The following CFAP54 variants were observed in gnomAD, a reference collection of about 807,000 sequenced individuals.
CFAP54 encodes cilia and flagella associated protein 54.
In CFAP54, 290 loss-of-function variants were observed where a neutral mutation model predicts 370.4. That is an observed-to-expected ratio of 0.78 (90% CI 0.71 to 0.86). The LOEUF (loss-of-function observed/expected upper bound fraction) is 0.86, where lower values mean the gene tolerates loss of function less well. Ranked by LOEUF, CFAP54 falls within the 40% of genes least tolerant of loss-of-function variation. The pLI is 0.00. For synonymous variants in CFAP54, 1,206 were observed against 1,236.5 expected (o/e 0.98, Z 0.52); for missense variants, 3,399 against 3,528.7 (o/e 0.96, Z 0.93).
chr12:96,576,577 C>A lies in CFAP54; in HGVS notation c.2620-8C>A. 6.7e-7 allele frequency: 1 copy of A among 1,497,982 alleles called. No individual in the cohort carries two copies. The highest frequency in any genetic ancestry group is 2.1e-5 in the Admixed American group (1 of 46,762). 92.8% of individuals were successfully genotyped at this position (1,497,982 alleles called of 1,614,324 possible). On this transcript the variant is annotated splice_region_variant and splice_polypyrimidine_tract_variant and intron_variant, in intron 19 of 67. Coordinates refer to ENST00000524981, the MANE Select transcript of CFAP54 (RefSeq NM_001306084.2). ...CATATATTTTTCTATTTTCATATTTCATTATAGGAAGCATATTCCTTAATT... is the reference window on the plus strand; with the variant it reads ...CATATATTTTTCTATTTTCATATTTAATTATAGGAAGCATATTCCTTAATT...
intron 32 of CFAP54, among the ~76,000 whole-genome samples, chr12:96,631,915 G>A (rs1341611676): frequency 6.6e-6 from 1 of 151,334 alleles, no homozygotes; most frequent in African/African-American, 2.4e-5. Context: ...TTCAAGATAC[G>A]AACATTTTAG....
At chr12:96,705,418 ATTG>A (rs1006332456) in intron 47 of CFAP54, among the ~76,000 whole-genome samples, 1 of 151,274 alleles carries the variant, frequency 6.6e-6, no homozygotes, top group Non-Finnish European at 1.5e-5. Context: ...CAGATGATTC[ATTG>A]TTTTTTTTTT....
chr12:96,674,027 G>C (rs904286748), intron 39 of CFAP54, among the ~76,000 whole-genome samples: 6 of 152,206 alleles, frequency 3.9e-5, no homozygotes, highest in Admixed American at 3.3e-4. Context: ...ATAACTCCAT[G>C]GATATGCCTT....
At chr12:96,789,783 A>G (rs1405645190) in intron 62 of CFAP54, among the ~76,000 whole-genome samples, 1 of 152,190 alleles carries the variant, frequency 6.6e-6, no homozygotes, top group East Asian at 1.9e-4. Context: ...AACACTCCCC[A>G]GGAAAATCAG....
chr12:96,501,048 G>A, intron 2 of CFAP54, 109 bp downstream of exon 2: 1 of 604,578 alleles, frequency 1.7e-6, no homozygotes. Context: ...TTTTCTCTTA[G>A]AAAAAAATAA....
At chr12:96,561,656 T>C (rs1012737461) in intron 17 of CFAP54, among the ~76,000 whole-genome samples, 1 of 151,030 alleles carries the variant, frequency 6.6e-6, no homozygotes, top group African/African-American at 2.4e-5. Context: ...AGAGTGCTCA[T>C]TGCTATTGAG....
chr12:96,826,559 T>C (rs1157862055), intron 65 of CFAP54, among the ~76,000 whole-genome samples: 2 of 83,638 alleles, frequency 2.4e-5, no homozygotes, highest in Non-Finnish European at 4.3e-5. Flanking sequence ...ATATATAATA[T>C]ATAATATATA....
chr12:96,520,111 T>C (rs1467583888), intron 6 of CFAP54, among the ~76,000 whole-genome samples: 2 of 152,238 alleles, frequency 1.3e-5, no homozygotes, highest in African/African-American at 4.8e-5. Flanking sequence ...CACTGCAGTC[T>C]TAGTCTCTGG....
intron 14 of CFAP54, among the ~76,000 whole-genome samples, chr12:96,543,463 A>G (rs1955600448): frequency 3.3e-5 from 5 of 152,162 alleles, no homozygotes; most frequent in Admixed American, 3.3e-4. Context: ...AAGGGCTGCT[A>G]GGAGACTGGG....
chr12:96,704,452 GTATATATATATATATATATATA>G (rs71068825), intron 46 of CFAP54, among the ~76,000 whole-genome samples: 3,733 of 61,344 alleles, frequency 0.061, 438 homozygotes, highest in East Asian at 0.45. Flanking sequence ...ATGTATGTGT[GTATATATATATATATATATATA>G]TATATATATA....
intron 25 of CFAP54, among the ~76,000 whole-genome samples, chr12:96,596,425 A>G (rs1028581227): frequency 2.0e-5 from 3 of 152,104 alleles, no homozygotes; most frequent in African/African-American, 4.8e-5. Flanking sequence ...GCCTCAATAT[A>G]TATGAGAATG....
intron 42 of CFAP54, 98 bp from the exon 43 acceptor site, chr12:96,688,818 A>G (rs1422298435): frequency 3.2e-5 from 19 of 593,704 alleles, no homozygotes; most frequent in Non-Finnish European, 1.7e-5. Flanking sequence ...CATTTTTCTT[A>G]TACTTTTTGT....
Position 96,741,412 on chromosome 12 carries a change from C to T in CFAP54, c.7072-1027C>T, listed in dbSNP as rs565153540. 9.2e-5 allele frequency among the ~76,000 whole-genome samples: 14 copies of T among 152,304 alleles called. No homozygotes were observed. The East Asian group carries it at 2.7e-3, about 29-fold the overall frequency. On this transcript the variant is annotated intron_variant, in intron 51 of 67. Transcript: ENST00000524981. ...TCCTGACCTCAGGTTATTCACCTGCCTTGGCCTCCCAAAGTGCTGAGATTA... is the reference window on the plus strand; with the variant it reads ...TCCTGACCTCAGGTTATTCACCTGCTTTGGCCTCCCAAAGTGCTGAGATTA...
At chr12:96,623,454 A>C (rs554359572) in intron 27 of CFAP54, among the ~76,000 whole-genome samples, 1 of 152,270 alleles carries the variant, frequency 6.6e-6, no homozygotes, top group African/African-American at 2.4e-5. Flanking sequence ...ATTTTTAGAG[A>C]CATAGCCTCA....
intron 10 of CFAP54, 41 bp from the exon 11 acceptor site, chr12:96,534,021 C>G: frequency 6.7e-7 from 1 of 1,496,714 alleles, no homozygotes; most frequent in Non-Finnish European, 8.8e-7. Context: ...GTTAAAATGA[C>G]ATCCAATTAC....
intron 67 of CFAP54, among the ~76,000 whole-genome samples, chr12:96,865,293 G>A (rs11613634): frequency 0.38 from 58,088 of 151,952 alleles, 11,651 homozygotes; most frequent in East Asian, 0.54. Context: ...AACAACATTC[G>A]TAAATGGATT....
chr12:96,489,653 C>T lies in CFAP54; in HGVS notation c.44C>T (p.Ser15Phe), dbSNP rs2136337561. The T allele has an allele frequency of 1.3e-6, 2 of 1,533,610 alleles. No individual in the cohort carries two copies. The highest frequency in any genetic ancestry group is 4.9e-5 in the East Asian group (2 of 40,834). ...GSPSSSPSDD[S>F]TTSGSLPELP... Reference sequence around the variant, plus strand: ...CCCTCGAGCTCTCCGTCAGACGACTCTACCACCTCGGGGTCTCTGCCAGAA... The same window carrying T: ...CCCTCGAGCTCTCCGTCAGACGACTTTACCACCTCGGGGTCTCTGCCAGAA... The change falls in exon 1 of 68, where the codon TCT becomes TTT. Residue 15 changes from serine to phenylalanine, a missense_variant. Around this residue, in one of 3 missense-constraint regions of CFAP54, gnomAD observed 559 missense variants for 576.7 expected, o/e 0.97. Coordinates refer to ENST00000524981, the MANE Select transcript of CFAP54 (RefSeq NM_001306084.2).
At chr12:96,681,099 CAAAACAG>C (rs1171858780) in intron 40 of CFAP54, among the ~76,000 whole-genome samples, 1 of 141,510 alleles carries the variant, frequency 7.1e-6, no homozygotes, top group Non-Finnish European at 1.5e-5. Context: ...CAGAACAAAA[CAAAACAG>C]AAAAGCACCC....
chr12:96,545,208 C>T (rs907139487), intron 14 of CFAP54, among the ~76,000 whole-genome samples: 31 of 151,980 alleles, frequency 2.0e-4, no homozygotes, highest in Non-Finnish European at 8.8e-5. Flanking sequence ...CCACTGCACC[C>T]GACCTCTTCC....
Sources: allele counts gnomAD v4.1 joint callset (sites outside exome capture counted in the v4.1 genomes callset), GRCh38; gene constraint gnomAD v4.1.1; regional missense constraint gnomAD v4.1.1; transcripts MANE v1.5; gene names NCBI Gene and HGNC (gene_info 2026-07-23, HGNC 2026-07-21).